The following FOXP2 variants were observed in gnomAD, a reference collection of about 807,000 sequenced individuals.
FOXP2 encodes the protein forkhead box P2.
In FOXP2, 12 loss-of-function variants were observed where a neutral mutation model predicts 115.8. That is an observed-to-expected ratio of 0.10 (90% CI 0.07 to 0.17). The LOEUF is 0.17. Ranked by LOEUF, FOXP2 falls within the 10% of genes least tolerant of loss-of-function variation. The probability of loss-of-function intolerance (pLI) is 1.00; values close to 1 mark genes in which losing one functional copy is unlikely to be tolerated. For synonymous variants in FOXP2, 328 were observed against 297.7 expected (o/e 1.10, Z -1.05); for missense variants, 629 against 843.5 (o/e 0.75, Z 3.15).
intron 3 of FOXP2, among the ~76,000 whole-genome samples, chr7:114,543,540 A>G (rs1239619655): frequency 1.4e-5 from 2 of 143,836 alleles, no homozygotes; most frequent in African/African-American, 5.7e-5. Context: ...TAAATTTTCA[A>G]AAAAGAAACT....
intron 1 of FOXP2, among the ~76,000 whole-genome samples, chr7:114,261,504 TA>T (rs796686003): frequency 2.0e-5 from 3 of 152,328 alleles, no homozygotes; most frequent in South Asian, 4.1e-4. Flanking sequence ...TTAAAATGTT[TA>T]AAAGATTAGG....
At chr7:114,385,024 C>T (rs1249907603) in intron 2 of FOXP2, among the ~76,000 whole-genome samples, 1 of 151,560 alleles carries the variant, frequency 6.6e-6, no homozygotes, top group Non-Finnish European at 1.5e-5. Flanking sequence ...TTCTCTATGA[C>T]TCCCTCTTTG....
chr7:114,366,533 T>C (rs928772474), intron 2 of FOXP2: 1 of 152,074 alleles, frequency 6.6e-6, no homozygotes, highest in Non-Finnish European at 1.5e-5. Flanking sequence ...GAAAGAGGAG[T>C]TGGATGTTTG....
At chr7:114,598,474 T>C (rs571076732) in intron 3 of FOXP2, among the ~76,000 whole-genome samples, 1 of 152,122 alleles carries the variant, frequency 6.6e-6, no homozygotes, top group South Asian at 2.1e-4. Context: ...GTGGAGGGAG[T>C]TGAAGTTTCT....
intron 2 of FOXP2, among the ~76,000 whole-genome samples, chr7:114,324,154 C>T (rs942754310): frequency 2.0e-5 from 3 of 151,806 alleles, no homozygotes; most frequent in Non-Finnish European, 3.0e-5. Context: ...TCCTCCTATT[C>T]TCCCAGTACA....
At chr7:114,160,148 T>C (rs557315922), upstream of FOXP2, among the ~76,000 whole-genome samples, 1 of 152,060 alleles carries the variant, frequency 6.6e-6, no homozygotes, top group East Asian at 1.9e-4. Flanking sequence ...AAAATTAGAG[T>C]AATATTTTTA....
At chr7:114,431,256 G>A (rs935707289) in intron 2 of FOXP2, among the ~76,000 whole-genome samples, 2 of 151,832 alleles carry the variant, frequency 1.3e-5, no homozygotes, top group Admixed American at 6.6e-5. Context: ...TTTCACATTT[G>A]TTATCTCTCG....
In FOXP2 at chr7:114,629,939, A is replaced by G. The variant is rs111801240; in HGVS notation, c.531A>G (p.Gln177=). 1.9e-3 allele frequency: 3,054 copies of G among 1,610,696 alleles called. 53 individuals carry two copies. The African/African-American group carries it at 0.036, about 19-fold the overall frequency. The change falls in exon 5 of 17, where the codon CAA becomes CAG. Residue 177 remains glutamine, a synonymous_variant. Transcript: ENST00000350908. Reference sequence around the variant, plus strand: ...AGCAACAACAACAACAACAGCAGCAACAACAGCAGCAGCAGCAGCAACAGC... The same window carrying G: ...AGCAACAACAACAACAACAGCAGCAGCAACAGCAGCAGCAGCAGCAACAGC... ...QQQQQQQQQQ[Q]QQQQQQQQQQ... is the part of the protein sequence containing the mutation.
intron 1 of FOXP2, among the ~76,000 whole-genome samples, chr7:114,111,609 G>A (rs1562967622): frequency 6.6e-6 from 1 of 151,972 alleles, no homozygotes; most frequent in Non-Finnish European, 1.5e-5. Flanking sequence ...AGTTGCTTTG[G>A]TCACATTTTT....
intron 3 of FOXP2, among the ~76,000 whole-genome samples, chr7:114,618,002 C>A (rs769037685): frequency 3.9e-5 from 6 of 152,160 alleles, no homozygotes; most frequent in Non-Finnish European, 8.8e-5. Flanking sequence ...CTAGGGAAGA[C>A]GTTTAACATT....
At chr7:114,276,232 C>T (rs575727012) in intron 1 of FOXP2, among the ~76,000 whole-genome samples, 1 of 148,566 alleles carries the variant, frequency 6.7e-6, no homozygotes, top group Non-Finnish European at 1.5e-5. Flanking sequence ...GATCTCGGCT[C>T]GCTGTGAGCT....
At chr7:114,338,853 A>G (rs1445510176) in intron 2 of FOXP2, among the ~76,000 whole-genome samples, 2 of 151,048 alleles carry the variant, frequency 1.3e-5, no homozygotes, top group Non-Finnish European at 3.0e-5. Flanking sequence ...TATATTTGCC[A>G]TAATCACCAG....
intron 2 of FOXP2, among the ~76,000 whole-genome samples, chr7:114,480,878 T>G (rs753414849): frequency 7.9e-5 from 12 of 151,112 alleles, no homozygotes; most frequent in Non-Finnish European, 1.5e-4. Flanking sequence ...AAAGAATCAT[T>G]GTAGACATTA....
intron 1 of FOXP2, among the ~76,000 whole-genome samples, chr7:114,089,187 G>T (rs1257788892): frequency 2.0e-5 from 3 of 152,002 alleles, no homozygotes; most frequent in African/African-American, 2.4e-5. Context: ...TGAAATAAAT[G>T]TTTAATTATG....
chr7:114,495,037 A>C (rs918111788), intron 2 of FOXP2, among the ~76,000 whole-genome samples: 2 of 152,222 alleles, frequency 1.3e-5, no homozygotes, highest in African/African-American at 4.8e-5. Context: ...GTAGCATTAC[A>C]CACACAATCA....
At chr7:114,612,107 G>A (rs772038961) in intron 3 of FOXP2, among the ~76,000 whole-genome samples, 4 of 151,932 alleles carry the variant, frequency 2.6e-5, no homozygotes, top group Admixed American at 1.3e-4. Flanking sequence ...GTATATACCC[G>A]CACATTTTGT....
At chr7:114,200,343 A>G (rs1794028090) in intron 1 of FOXP2, among the ~76,000 whole-genome samples, 1 of 152,342 alleles carries the variant, frequency 6.6e-6, no homozygotes, top group Non-Finnish European at 1.5e-5. Context: ...TGACATAGAT[A>G]TAATATGTGA....
chr7:114,147,629 T>C (rs961606093), intron 1 of FOXP2, among the ~76,000 whole-genome samples: 5 of 152,066 alleles, frequency 3.3e-5, no homozygotes, highest in East Asian at 1.9e-4. Flanking sequence ...GCTCAAAGGG[T>C]ATTGCCAATG....
rs191390496 is a variant in FOXP2, at chr7:114,323,676, A to G, written c.-11+35567A>G. On this transcript the variant is annotated intron_variant, in intron 2 of 17. Coordinates refer to the FOXP2 transcript ENST00000634411. Reference sequence around the variant, plus strand: ...CCTATAGATTAGCCATTTGAAAATAATTGCATTTAAGTATTCTTGGAAGTT... The same window carrying G: ...CCTATAGATTAGCCATTTGAAAATAGTTGCATTTAAGTATTCTTGGAAGTT... Among the ~76,000 whole-genome samples, 671 of 152,146 alleles carry G rather than the reference A, an allele frequency of 4.4e-3. 4 individuals are homozygous for G. The highest frequency in any genetic ancestry group is 0.015 in the African/African-American group (642 of 41,560).
Sources: allele counts gnomAD v4.1 joint callset (sites outside exome capture counted in the v4.1 genomes callset), GRCh38; gene constraint gnomAD v4.1.1; transcripts MANE v1.5; gene names NCBI Gene and HGNC (gene_info 2026-07-23, HGNC 2026-07-21).